GON4L: variants seen among roughly 807,000 people sequenced by gnomAD.
GON4L encodes GON-4-like protein.
A neutral mutation model predicts 211.8 loss-of-function variants in GON4L; 87 were observed. The ratio of observed to expected loss-of-function variants is 0.41; its 90% confidence interval spans 0.35 to 0.49. The LOEUF (loss-of-function observed/expected upper bound fraction) is 0.49. GON4L is among the 20% of genes least tolerant of loss of function. The probability of loss-of-function intolerance (pLI) is 0.15; values close to 1 mark genes in which losing one functional copy is unlikely to be tolerated. For synonymous variants in GON4L, 875 were observed against 962.6 expected, an observed-to-expected ratio of 0.91 and a Z score of 1.68; for missense variants, 2,155 against 2,659.5, an observed-to-expected ratio of 0.81 and a Z score of 4.17.
At chr1:155,782,677 TA>T (rs1311188830) in intron 14 of GON4L, among the ~76,000 whole-genome samples, 6 of 152,128 alleles carry the variant, frequency 3.9e-5, no homozygotes, top group African/African-American at 1.4e-4. Context: ...TATTTTATTT[TA>T]TTTTATTTTT....
rs796992691 is a variant in GON4L, at chr1:155,780,632, T to C, written c.1893-2812A>G. Among the ~76,000 whole-genome samples, 17 of 152,052 alleles carry C rather than the reference T, an allele frequency of 1.1e-4. 1 individual carries two copies. The highest frequency in any genetic ancestry group is 4.1e-4 in the African/African-American group (17 of 41,480). Reference sequence around the variant, plus strand: ...AAATAAATAAATAAATAAAATAAATTCCTCTTCTAAGGTTCCTAACCCTAA... The same window carrying C: ...AAATAAATAAATAAATAAAATAAATCCCTCTTCTAAGGTTCCTAACCCTAA... On this transcript the variant is annotated intron_variant, in intron 14 of 31. Transcript: ENST00000368331.
intron 14 of GON4L, among the ~76,000 whole-genome samples, chr1:155,781,453 AT>A (rs1664417250): frequency 1.4e-3 from 1 of 710 alleles, no homozygotes; most frequent in African/African-American, 1.5e-3. Context: ...ATCTATAATT[AT>A]TATTATTATT....
At chr1:155,774,156 G>A (rs1663512607) in intron 17 of GON4L, among the ~76,000 whole-genome samples, 1 of 152,120 alleles carries the variant, frequency 6.6e-6, no homozygotes. Flanking sequence ...CTAAACTAAT[G>A]CAAGGTAGAA....
At chr1:155,794,005 C>T (rs1665853857) in intron 12 of GON4L, among the ~76,000 whole-genome samples, 1 of 152,104 alleles carries the variant, frequency 6.6e-6, no homozygotes, top group Non-Finnish European at 1.5e-5. Context: ...CAAATTAATA[C>T]ATTAAACTGG....
intron 21 of GON4L, 74 bp from the exon 22 acceptor site, chr1:155,763,638 CAGGAT>C: frequency 7.8e-7 from 1 of 1,289,146 alleles, no homozygotes; most frequent in Non-Finnish European, 1.0e-6. Context: ...AAAGCTATAT[CAGGAT>C]AATCTGAAGT....
intron 14 of GON4L, among the ~76,000 whole-genome samples, chr1:155,781,171 T>C (rs1467816620): frequency 6.6e-6 from 1 of 151,658 alleles, no homozygotes; most frequent in Non-Finnish European, 1.5e-5. Context: ...AGATGGAGTT[T>C]CGTTCCTATT....
At chr1:155,794,513 A>G (rs1194623190) in intron 12 of GON4L, among the ~76,000 whole-genome samples, 1 of 152,178 alleles carries the variant, frequency 6.6e-6, no homozygotes, top group African/African-American at 2.4e-5. Flanking sequence ...ATGTTTTACA[A>G]TTCTGTGGTT....
At chr1:155,786,928 GT>G (rs879325376) in intron 12 of GON4L, among the ~76,000 whole-genome samples, 25 of 143,644 alleles carry the variant, frequency 1.7e-4, no homozygotes, top group South Asian at 8.9e-4. Flanking sequence ...GAGTTTTTTC[GT>G]TTTTTTTTTT....
chr1:155,856,028 A>AACTTT (rs981941083), intron 1 of GON4L, among the ~76,000 whole-genome samples: 9 of 151,528 alleles, frequency 5.9e-5, no homozygotes. Flanking sequence ...TACCCAGGAA[A>AACTTT]ACTTTACTGT....
intron 11 of GON4L, among the ~76,000 whole-genome samples, chr1:155,798,263 C>T (rs1388113658): frequency 5.6e-5 from 1 of 17,718 alleles, no homozygotes; most frequent in East Asian, 0.015. Context: ...GCATTCTTTA[C>T]ACATAACTAA....
chr1:155,809,088 A>C (rs1408710803), intron 10 of GON4L, among the ~76,000 whole-genome samples: 1 of 151,888 alleles, frequency 6.6e-6, no homozygotes, highest in Admixed American at 6.6e-5. Flanking sequence ...AATTTTTCTG[A>C]GTTTTTGGAG....
intron 12 of GON4L, among the ~76,000 whole-genome samples, chr1:155,785,742 A>T (rs1399787165): frequency 6.6e-6 from 1 of 152,160 alleles, no homozygotes; most frequent in Non-Finnish European, 1.5e-5. Flanking sequence ...CGGCCTCCCA[A>T]AATGGTGGGA....
chr1:155,762,439 A>G (rs1047134968), intron 22 of GON4L, 65 bp from the exon 23 acceptor site: 2 of 1,313,950 alleles, frequency 1.5e-6, no homozygotes, highest in Non-Finnish European at 1.1e-6. Flanking sequence ...CCATTCCACC[A>G]CATGCACCAC....
At chr1:155,844,733 G>A (rs924696258) in intron 2 of GON4L, among the ~76,000 whole-genome samples, 2 of 152,080 alleles carry the variant, frequency 1.3e-5, no homozygotes, top group African/African-American at 4.8e-5. Context: ...ACTCCAGCCT[G>A]GGTGACAGAG....
At chr1:155,856,821 C>G (rs1264782277) in intron 1 of GON4L, among the ~76,000 whole-genome samples, 1 of 148,250 alleles carries the variant, frequency 6.7e-6, no homozygotes, top group East Asian at 1.9e-4. Context: ...CAGCTCCAGG[C>G]ACCTCAAACA....
chr1:155,826,792 T>C (rs1669256343), intron 3 of GON4L, 45 bp downstream of exon 3: 1 of 1,271,224 alleles, frequency 7.9e-7, no homozygotes, highest in East Asian at 2.3e-5. Context: ...ATATTATACT[T>C]CAATAAAGAG....
chr1:155,827,653 T>C (rs1249735505), intron 2 of GON4L, among the ~76,000 whole-genome samples: 1 of 149,498 alleles, frequency 6.7e-6, no homozygotes, highest in Non-Finnish European at 1.5e-5. Flanking sequence ...ACCACTGCAC[T>C]CCAGACTGGA....
At chr1:155,834,741 C>A (rs563206996) in intron 2 of GON4L, among the ~76,000 whole-genome samples, 1 of 152,172 alleles carries the variant, frequency 6.6e-6, no homozygotes, top group Non-Finnish European at 1.5e-5. Flanking sequence ...CCAGATGTTA[C>A]CTTATATGGT....
chr1:155,839,004 A>G (rs1311815524), intron 2 of GON4L, among the ~76,000 whole-genome samples: 1 of 152,044 alleles, frequency 6.6e-6, no homozygotes, highest in Non-Finnish European at 1.5e-5. Flanking sequence ...TAAAATGCTA[A>G]TATCTGATAG....
Sources: allele counts gnomAD v4.1 joint callset (sites outside exome capture counted in the v4.1 genomes callset), GRCh38; gene constraint gnomAD v4.1.1; transcripts MANE v1.5; gene names NCBI Gene and HGNC (gene_info 2026-07-23, HGNC 2026-07-21).